Variants in SYT6 observed in about 807,000 individuals in gnomAD.
The protein encoded by SYT6 is synaptotagmin 6, also known as synaptotagmin-6.
SYT6 carries 24 observed loss-of-function variants against 38.4 expected under a neutral mutation model. The observed-to-expected ratio is 0.62, with a 90% CI of 0.45 to 0.88. The LOEUF is 0.88. Among genes scored for constraint, SYT6 ranks in the 40% least tolerant of loss-of-function variants. The pLI is 0.00. For synonymous variants in SYT6, 265 were observed against 241.9 expected (o/e 1.10, Z -0.89); for missense variants, 611 against 621.0 (o/e 0.98, Z 0.17).
intron 7 of SYT6, among the ~76,000 whole-genome samples, chr1:114,093,262 C>T (rs1675430260): frequency 6.6e-6 from 1 of 152,170 alleles, no homozygotes; most frequent in African/African-American, 2.4e-5. Flanking sequence ...AGATGGGAAA[C>T]CCATGAAGTT....
Position 114,105,753 on chromosome 1 carries a change from C to T in SYT6, c.1072-2032G>A, listed in dbSNP as rs191266345. Among the ~76,000 whole-genome samples, 166 of 152,334 alleles carry T rather than the reference C, an allele frequency of 1.1e-3. 2 individuals are homozygous for T. The highest frequency in any genetic ancestry group is 1.0e-3 in the South Asian group (5 of 4,826). On this transcript the variant is annotated intron_variant, in intron 3 of 7. Transcript: ENST00000610222. ...TTACAAGCCTTGCCAGCTGCTTGGA[C>T]TCGTGACTCTCGAGAGAGTGGTCCT...
At chr1:114,105,876 G>T (rs1676278559) in intron 3 of SYT6, among the ~76,000 whole-genome samples, 1 of 152,148 alleles carries the variant, frequency 6.6e-6, no homozygotes, top group Non-Finnish European at 1.5e-5. Context: ...CCATCCACTT[G>T]TTCATTTTTG....
rs1375973856 is a variant in SYT6 at position 114,153,711 on chromosome 1, G to A, written c.62C>T (p.Ser21Leu). 78 of 681,098 alleles carry A rather than the reference G, an allele frequency of 1.1e-4. No individual in the cohort carries two copies. The highest frequency in any genetic ancestry group is 9.1e-5 in the Non-Finnish European group (34 of 373,684). The allele number at this position is 681,098 out of a possible 1,614,324, so 42.2% of individuals were successfully genotyped here. ...RCQEALAVLA[S>L]LCRARPPPLG... ...AGGGGGCGGCCGGGCCCGGCACAGC[G>A]AGGCGAGGACCGCGAGCGCCTCCTG... Residue 21 changes from serine to leucine, a missense_variant, in exon 1 of 8, where the codon TCG becomes TTG. Coordinates refer to ENST00000610222, the MANE Select transcript of SYT6 (RefSeq NM_001253772.2).
chr1:114,142,572 G>T (rs1678921930), intron 1 of SYT6, among the ~76,000 whole-genome samples: 2 of 152,212 alleles, frequency 1.3e-5, no homozygotes, highest in Admixed American at 1.3e-4. Context: ...GGGTTGAGAG[G>T]ATTGACTCCA....
intron 7 of SYT6, 91 bp downstream of exon 7, chr1:114,093,644 C>T: frequency 8.0e-7 from 1 of 1,254,780 alleles, no homozygotes; most frequent in African/African-American, 1.5e-5. Context: ...CTCCATCCTG[C>T]TGCTATCTCA....
intron 3 of SYT6, among the ~76,000 whole-genome samples, chr1:114,133,457 A>G (rs1678279906): frequency 6.6e-6 from 1 of 152,218 alleles, no homozygotes; most frequent in South Asian, 2.1e-4. Flanking sequence ...AGCTTTATTT[A>G]GAAATAATGA....
At chr1:114,152,686 T>G (rs989778563) in intron 1 of SYT6, 3 of 152,332 alleles carry the variant, frequency 2.0e-5, no homozygotes, top group African/African-American at 7.2e-5. Flanking sequence ...CGACACGCCA[T>G]TCCCCCTGCC....
intron 2 of SYT6, among the ~76,000 whole-genome samples, chr1:114,138,746 G>A (rs1678665504): frequency 6.6e-6 from 1 of 152,202 alleles, no homozygotes; most frequent in Non-Finnish European, 1.5e-5. Flanking sequence ...CAATCACATT[G>A]ATTCTTCCAT....
chr1:114,099,563 T>C (rs1287511749), intron 4 of SYT6, among the ~76,000 whole-genome samples: 1 of 152,196 alleles, frequency 6.6e-6, no homozygotes, highest in African/African-American at 2.4e-5. Flanking sequence ...CCGATAGGTA[T>C]GCAGTTCACA....
intron 3 of SYT6, among the ~76,000 whole-genome samples, chr1:114,124,710 G>T (rs1677623852): frequency 6.6e-6 from 1 of 152,196 alleles, no homozygotes; most frequent in Admixed American, 6.5e-5. Context: ...GGTGGCAGAA[G>T]GGACTATGAT....
intron 3 of SYT6, among the ~76,000 whole-genome samples, chr1:114,117,788 T>C (rs1677086882): frequency 6.6e-6 from 1 of 152,192 alleles, no homozygotes; most frequent in African/African-American, 2.4e-5. Flanking sequence ...ATCAGTAGAA[T>C]GATATGGGGC....
intron 3 of SYT6, among the ~76,000 whole-genome samples, chr1:114,109,734 G>A (rs1676558767): frequency 6.6e-6 from 1 of 152,140 alleles, no homozygotes; most frequent in Non-Finnish European, 1.5e-5. Context: ...TGTTTGGTTT[G>A]GTCGGTGCAG....
chr1:114,109,979 G>A (rs978403181), intron 3 of SYT6, among the ~76,000 whole-genome samples: 1 of 152,224 alleles, frequency 6.6e-6, no homozygotes, highest in Admixed American at 6.5e-5. Context: ...CGCATGAGAG[G>A]TTCCCTGTGG....
chr1:114,143,562 G>GTT (rs1187626465), intron 1 of SYT6, among the ~76,000 whole-genome samples: 4 of 147,994 alleles, frequency 2.7e-5, no homozygotes, highest in African/African-American at 5.1e-5. Context: ...ATGTGCATGT[G>GTT]TGTGTGTGTG....
chr1:114,108,260 A>G (rs1365062877), intron 3 of SYT6, among the ~76,000 whole-genome samples: 1 of 152,120 alleles, frequency 6.6e-6, no homozygotes, highest in Non-Finnish European at 1.5e-5. Flanking sequence ...TTAAAGGCTC[A>G]CCTATCTATA....
intron 6 of SYT6, among the ~76,000 whole-genome samples, chr1:114,094,841 G>A (rs1245529776): frequency 2.6e-5 from 4 of 152,200 alleles, no homozygotes; most frequent in Admixed American, 6.5e-5. Flanking sequence ...TATCCAGAAC[G>A]GGAACGAAAA....
intron 3 of SYT6, among the ~76,000 whole-genome samples, chr1:114,108,666 A>G (rs923986527): frequency 2.6e-5 from 4 of 152,162 alleles, no homozygotes; most frequent in Non-Finnish European, 4.4e-5. Context: ...GAATCTAGCA[A>G]TTTCGTTTTG....
At chr1:114,105,495 C>G (rs1360906360) in intron 3 of SYT6, among the ~76,000 whole-genome samples, 1 of 143,460 alleles carries the variant, frequency 7.0e-6, no homozygotes, top group Admixed American at 7.0e-5. Context: ...AAGGTGAATA[C>G]CCCCAGCTTC....
intron 3 of SYT6, among the ~76,000 whole-genome samples, chr1:114,107,343 C>CTGGCGACATGCAG (rs1385895594): frequency 1.3e-5 from 2 of 152,218 alleles, no homozygotes; most frequent in African/African-American, 4.8e-5. Flanking sequence ...CTCATAGGAC[C>CTGGCGACATGCAG]GTGGCAGCTG....
Sources: allele counts gnomAD v4.1 joint callset (sites outside exome capture counted in the v4.1 genomes callset), GRCh38; gene constraint gnomAD v4.1.1; transcripts MANE v1.5; gene names NCBI Gene and HGNC (gene_info 2026-07-23, HGNC 2026-07-21).